TENM1: variants seen among roughly 807,000 people sequenced by gnomAD.
TENM1 encodes the protein teneurin-1.
A neutral mutation model predicts 174.8 loss-of-function variants in TENM1; 35 were observed. The ratio of observed to expected loss-of-function variants is 0.20; its 90% CI spans 0.15 to 0.27. The LOEUF is 0.27. Among genes scored for constraint, TENM1 ranks in the 10% least tolerant of loss-of-function variants. TENM1 has a pLI of 1.00. For synonymous variants in TENM1, 781 were observed against 798.7 expected, an observed-to-expected ratio of 0.98 and a Z score of 0.37; for missense variants, 1,633 against 2,130.1, an observed-to-expected ratio of 0.77 and a Z score of 4.59.
intron 3 of TENM1, among the ~76,000 whole-genome samples, chrX:124,791,950 G>A (rs1454570617): frequency 1.8e-5 from 2 of 111,082 alleles, no homozygotes; most frequent in Non-Finnish European, 3.8e-5. Context: ...TCAGGGAGAT[G>A]TTAACCTTCC....
chrX:125,054,336 TAC>T, the TENM1 span, among the ~76,000 whole-genome samples: 1 of 110,357 alleles, frequency 9.1e-6, no homozygotes, highest in African/African-American at 3.3e-5. Context: ...ACGCTTTCTG[TAC>T]AGTCTGCAGA....
intron 3 of TENM1, among the ~76,000 whole-genome samples, chrX:124,824,322 T>C (rs2056106868): frequency 8.9e-6 from 1 of 112,234 alleles, no homozygotes; most frequent in Non-Finnish European, 1.9e-5. Context: ...AGCTGATTAA[T>C]GGTAAATGAA....
In TENM1 at chrX:124,563,862, G is replaced by A. The variant is rs1478366357; in HGVS notation, c.2264-90C>T. 2.1e-5 allele frequency: 18 copies of A among 863,718 alleles called. No homozygotes were observed. The Admixed American group carries it at 4.1e-4, about 19-fold the overall frequency. The allele number at this position is 863,718 out of a possible 1,213,427, so 71.2% of individuals were successfully genotyped here. A position where few individuals can be genotyped will look rare whatever the true frequency, so the allele number is the denominator to read the frequency against. On this transcript the variant is annotated intron_variant, in intron 12 of 31. Coordinates refer to ENST00000422452, the Ensembl canonical transcript of TENM1. ...CTAATGGTTTACCATCTGTTGCCTG[G>A]GAGGAGAACAGCAAACTGCGCACTG...
At chrX:125,204,249 G>A in the TENM1 span, 1 of 112,279 alleles carries the variant, frequency 8.9e-6, no homozygotes, top group Non-Finnish European at 1.9e-5. Flanking sequence ...GCGCTCCCGG[G>A]TGCTGGGCGT....
intron 3 of TENM1, among the ~76,000 whole-genome samples, chrX:124,843,312 T>C (rs1309172531): frequency 8.9e-6 from 1 of 111,935 alleles, no homozygotes; most frequent in Non-Finnish European, 1.9e-5. Context: ...CCATGTCAAC[T>C]TCATTAACCT....
At chrX:124,573,089 T>C (rs996719038) in intron 11 of TENM1, among the ~76,000 whole-genome samples, 2 of 111,554 alleles carry the variant, frequency 1.8e-5, no homozygotes, top group Non-Finnish European at 3.8e-5. Flanking sequence ...TGTATGTCTG[T>C]CTGAACCTAA....
chrX:124,919,680 T>A (rs939603385), intron 1 of TENM1, among the ~76,000 whole-genome samples: 2 of 111,519 alleles, frequency 1.8e-5, no homozygotes, highest in African/African-American at 6.5e-5. Flanking sequence ...TTAAGCTACA[T>A]GGTGAATACA....
intron 1 of TENM1, among the ~76,000 whole-genome samples, chrX:124,931,871 G>GCACACACA (rs34069865): frequency 3.1e-4 from 32 of 102,073 alleles, no homozygotes; most frequent in African/African-American, 9.6e-4. Flanking sequence ...CCAAGCGCAC[G>GCACACACA]CACACACACA....
chrX:124,556,233 C>G (rs1252128692), intron 14 of TENM1, among the ~76,000 whole-genome samples: 1 of 107,060 alleles, frequency 9.3e-6, no homozygotes, highest in African/African-American at 3.4e-5. Context: ...CACTTGATGT[C>G]AGGAGTTCGA....
chrX:124,858,579 T>C (rs911759666), intron 3 of TENM1, among the ~76,000 whole-genome samples: 1 of 111,940 alleles, frequency 8.9e-6, no homozygotes, highest in Non-Finnish European at 1.9e-5. Flanking sequence ...GTCATCAGAA[T>C]TACTCTTATC....
intron 27 of TENM1, among the ~76,000 whole-genome samples, chrX:124,399,458 C>T (rs1300875515): frequency 8.9e-6 from 1 of 111,751 alleles, no homozygotes; most frequent in Non-Finnish European, 1.9e-5. Flanking sequence ...TCATTTTTCT[C>T]ACCCAACTTT....
intron 3 of TENM1, among the ~76,000 whole-genome samples, chrX:124,816,894 TA>T (rs1275833775): frequency 3.6e-5 from 4 of 110,812 alleles, no homozygotes; most frequent in South Asian, 3.8e-4. Context: ...TTTTAAAATT[TA>T]AAAAAAATTA....
chrX:124,887,463 AG>A (rs1458886068), intron 3 of TENM1, among the ~76,000 whole-genome samples: 4 of 111,239 alleles, frequency 3.6e-5, no homozygotes, highest in Non-Finnish European at 7.5e-5. Flanking sequence ...ATGGAGAGGG[AG>A]GGGGATGATA....
the TENM1 span, among the ~76,000 whole-genome samples, chrX:125,077,134 A>G: frequency 8.9e-6 from 1 of 111,784 alleles, no homozygotes; most frequent in East Asian, 2.8e-4. Flanking sequence ...TTTGATAAGC[A>G]ATAAAATAAT....
intron 18 of TENM1, among the ~76,000 whole-genome samples, chrX:124,505,118 C>G (rs776124552): frequency 8.9e-6 from 1 of 112,324 alleles, no homozygotes; most frequent in Admixed American, 9.4e-5. Context: ...TGATTTAATG[C>G]TCTGCAGTCA....
At chrX:124,553,590 A>T in intron 14 of TENM1, among the ~76,000 whole-genome samples, 1 of 100,365 alleles carries the variant, frequency 1.0e-5, no homozygotes, top group African/African-American at 3.7e-5. Context: ...AATCCCCATT[A>T]CCCTTGCCAG....
chrX:125,058,261 C>T, the TENM1 span, among the ~76,000 whole-genome samples: 2 of 111,533 alleles, frequency 1.8e-5, no homozygotes, highest in African/African-American at 3.2e-5. Flanking sequence ...CTGTTTAAAA[C>T]TGAAATGAGG....
chrX:124,390,094 C>T (rs934949639), intron 28 of TENM1, among the ~76,000 whole-genome samples: 5 of 112,056 alleles, frequency 4.5e-5, no homozygotes, highest in African/African-American at 9.7e-5. Flanking sequence ...GCAGTCTCAC[C>T]GAGGTTTTTG....
At chrX:125,057,097 C>A in the TENM1 span, among the ~76,000 whole-genome samples, 124 of 111,804 alleles carry the variant, frequency 1.1e-3, no homozygotes, top group African/African-American at 4.0e-3. Context: ...AATGTACAGC[C>A]TGAGTCGATT....
Sources: allele counts gnomAD v4.1 joint callset (sites outside exome capture counted in the v4.1 genomes callset), GRCh38; gene constraint gnomAD v4.1.1; transcripts MANE v1.5; gene names NCBI Gene and HGNC (gene_info 2026-07-23, HGNC 2026-07-21).